Variants in HAS3 observed in about 807,000 individuals in gnomAD.
The protein encoded by HAS3 is hyaluronan synthase 3, also known as HA synthase 3.
HAS3 carries 27 observed loss-of-function variants against 50.3 expected under a neutral mutation model. The observed-to-expected ratio is 0.54, with a 90% CI of 0.40 to 0.74. The LOEUF (loss-of-function observed/expected upper bound fraction) is 0.74, where lower values mean the gene tolerates loss of function less well. HAS3 is among the 30% of genes least tolerant of loss of function. The pLI is 0.00. For synonymous variants in HAS3, 339 were observed against 310.9 expected (o/e 1.09, Z -0.95); for missense variants, 517 against 742.8 (o/e 0.70, Z 3.53).
At chr16:69,098,707 C>T in the HAS3 span, among the ~76,000 whole-genome samples, 1 of 137,118 alleles carries the variant, frequency 7.3e-6, no homozygotes, top group Admixed American at 7.3e-5. Flanking sequence ...CTCTTGTTGC[C>T]CAGACTGGAG....
chr16:69,118,577 C>T (rs1961351553), downstream of HAS3: 6 of 751,326 alleles, frequency 8.0e-6, no homozygotes, highest in Non-Finnish European at 1.4e-5. Context: ...AAACAATGGG[C>T]AGAAAGCTGT....
rs1186513823 is a variant in HAS3 at position 69,107,452 on chromosome 16, C to G, written c.-1+1665C>G. ...ATCCCTTGGGTTTTCCGTTCCTTCC[C>G]GGTTGGGTCGTGGGAAAGCGGCACG... On this transcript the variant is annotated intron_variant, in intron 1 of 3. Transcript: ENST00000569188. This position sits in a 1 kb window ranked among gnomAD's most constrained non-coding sequence, Gnocchi z 5.5. 51 of 985,516 alleles carry G rather than the reference C, an allele frequency of 5.2e-5. No homozygotes were observed. The highest frequency in any genetic ancestry group is 5.9e-5 in the Non-Finnish European group (49 of 830,086). 61.0% of individuals were successfully genotyped at this position (985,516 alleles called of 1,614,324 possible).
At chr16:69,099,586 A>G in the HAS3 span, among the ~76,000 whole-genome samples, 1 of 152,040 alleles carries the variant, frequency 6.6e-6, no homozygotes, top group Admixed American at 6.6e-5. Context: ...TCAGCCTCCC[A>G]AAGTGCTGGC....
At chr16:69,103,464 C>T (rs747283377), upstream of HAS3, among the ~76,000 whole-genome samples, 14 of 152,214 alleles carry the variant, frequency 9.2e-5, no homozygotes, top group Admixed American at 2.6e-4. Context: ...GGCACGATCT[C>T]GGCTCACTGC....
At position 69,117,330 on chromosome 16, in the gene HAS3, T is replaced by G. The variant is rs2152262202; in HGVS notation, c.*2064T>G. 2.0e-6 allele frequency: 2 copies of G among 985,846 alleles called. No homozygotes were observed. Among genetic ancestry groups the G allele is most frequent in the South Asian group, 9.4e-5 (2 of 21,292 alleles). The allele number at this position is 985,846 out of a possible 1,614,324, so 61.1% of individuals were successfully genotyped here. A position where few individuals can be genotyped will look rare whatever the true frequency, so the allele number is the denominator to read the frequency against. On this transcript the variant is annotated 3_prime_UTR_variant, in exon 4 of 4. Transcript: ENST00000569188. ...TGCCTTGCACTGTGGTCGTCAACTT[T>G]CCTCAAATCAAAAACAGGCAGGTAC...
Position 69,109,658 on chromosome 16 carries a change from C to T in HAS3, c.263C>T (p.Ala88Val). ...CCCTCCCCGCGGCGGGGCTCGGTGG[C>T]ACTGTGCATTGCCGCATACCAGGAG... ...KLPSPRRGSVALCIAAYQEDP... is the reference protein window; with the variant it reads ...KLPSPRRGSVVLCIAAYQEDP... The change falls in exon 2 of 4, where the codon GCA becomes GTA. Residue 88 changes from alanine to valine, a missense_variant. Physicochemically the swap from Ala to Val is moderately conservative, Grantham distance 64. Coordinates refer to ENST00000569188, the MANE Select transcript of HAS3 (RefSeq NM_001199280.2). The surrounding 1 kb of genome is among the most constrained non-coding windows in gnomAD (Gnocchi z 5.3). The T allele has an allele frequency of 6.2e-7, 1 of 1,610,080 alleles. No individual in the cohort carries two copies. Among genetic ancestry groups the T allele is most frequent in the Non-Finnish European group, 8.5e-7 (1 of 1,179,830 alleles).
Position 69,117,511 on chromosome 16 carries a change from T to C in HAS3, c.*2245T>C, listed in dbSNP as rs142340193. 2,901 of 952,018 alleles carry C rather than the reference T, an allele frequency of 3.0e-3. 73 individuals are homozygous for C. In the African/African-American group the frequency reaches 0.048, roughly 16 times the overall value. 59.0% of individuals were successfully genotyped at this position (952,018 alleles called of 1,614,324 possible). A position where few individuals can be genotyped will look rare whatever the true frequency, so the allele number is the denominator to read the frequency against. ...TGGACGCATTTTGGTTTTTCCTCAT[T>C]GAGAATTCAAATCCTCTTTTGTATT... On this transcript the variant is annotated 3_prime_UTR_variant, in exon 4 of 4. Transcript: ENST00000569188.
the HAS3 span, among the ~76,000 whole-genome samples, chr16:69,094,810 T>C: frequency 2.0e-5 from 3 of 152,162 alleles, no homozygotes; most frequent in Non-Finnish European, 1.5e-5. Context: ...AAAACGGTTG[T>C]TGAAATCTAA....
chr16:69,116,172 G>A lies in HAS3; in HGVS notation c.*906G>A. 1 of 985,384 alleles carries A rather than the reference G, an allele frequency of 1.0e-6. No individual in the cohort carries two copies. The highest frequency in any genetic ancestry group is 1.2e-6 in the Non-Finnish European group (1 of 829,838). The allele number at this position is 985,384 out of a possible 1,614,324, so 61.0% of individuals were successfully genotyped here. A position where few individuals can be genotyped will look rare whatever the true frequency, so the allele number is the denominator to read the frequency against. ...CTCTCAAATTCAGCTCTGATCTGAGGCTAAGACACACTCCCCACTTCACTT... is the reference window on the plus strand; with the variant it reads ...CTCTCAAATTCAGCTCTGATCTGAGACTAAGACACACTCCCCACTTCACTT... On this transcript the variant is annotated 3_prime_UTR_variant, in exon 4 of 4. Coordinates refer to ENST00000569188, the MANE Select transcript of HAS3 (RefSeq NM_001199280.2).
At chr16:69,104,592 C>G (rs1349491212), upstream of HAS3, among the ~76,000 whole-genome samples, 1 of 152,126 alleles carries the variant, frequency 6.6e-6, no homozygotes, top group Non-Finnish European at 1.5e-5. Context: ...CTGCACCCGG[C>G]CCTGGCTAAT....
the HAS3 span, among the ~76,000 whole-genome samples, chr16:69,098,953 C>T: frequency 6.6e-6 from 1 of 151,156 alleles, no homozygotes; most frequent in Non-Finnish European, 1.5e-5. Flanking sequence ...TGAGCCACTG[C>T]GCCCAGCCTG....
At chr16:69,110,155 A>G in intron 2 of HAS3, 124 bp downstream of exon 2, 1 of 987,770 alleles carries the variant, frequency 1.0e-6, no homozygotes, top group Non-Finnish European at 1.5e-6. Context: ...TGTGCACTTA[A>G]GAAGGCAACA....
At position 69,106,116 on chromosome 16, in the gene HAS3, G is replaced by A. The variant is rs1960782479; in HGVS notation, c.-1+329G>A. On this transcript the variant is annotated intron_variant, in intron 1 of 3. Transcript: ENST00000569188. This position sits in a 1 kb window ranked among gnomAD's most constrained non-coding sequence, Gnocchi z 5.5. ...CGCGGGGTCGGGGGTGCGCCCGCGGGGGCCCTCCCACTCTGGTCAACTTTC... is the reference window on the plus strand; with the variant it reads ...CGCGGGGTCGGGGGTGCGCCCGCGGAGGCCCTCCCACTCTGGTCAACTTTC... 1 of 152,084 alleles carries A rather than the reference G, an allele frequency of 6.6e-6. No homozygotes were observed. The highest frequency in any genetic ancestry group is 6.5e-5 in the Admixed American group (1 of 15,274). 9.4% of individuals were successfully genotyped at this position (152,084 alleles called of 1,614,324 possible).
chr16:69,107,435 G>C lies in HAS3; in HGVS notation c.-1+1648G>C, dbSNP rs756366758. 1.0e-6 allele frequency: 1 copy of C among 985,596 alleles called. No homozygotes were observed. The highest frequency in any genetic ancestry group is 1.2e-6 in the Non-Finnish European group (1 of 830,036). 61.1% of individuals were successfully genotyped at this position (985,596 alleles called of 1,614,324 possible). On this transcript the variant is annotated intron_variant, in intron 1 of 3. Transcript: ENST00000569188. This position sits in a 1 kb window ranked among gnomAD's most constrained non-coding sequence, Gnocchi z 5.5. The stretch of plus-strand genomic sequence containing the variant: ...GGCCTGGTCCGACTGGGATCCCTTG[G>C]GTTTTCCGTTCCTTCCCGGTTGGGT...
intron 1 of HAS3, among the ~76,000 whole-genome samples, chr16:69,108,295 CT>C (rs1226854681): frequency 6.6e-6 from 1 of 152,132 alleles, no homozygotes; most frequent in Admixed American, 6.5e-5. Context: ...AGGGAAATGA[CT>C]TACCTGAGAC....
chr16:69,115,789 G>A lies in HAS3; in HGVS notation c.*523G>A. ...TGCGCCTGAGATACAAGGCCCAGAAGCCTGATCTTTGGGCATCAGAAAACA... is the reference window on the plus strand; with the variant it reads ...TGCGCCTGAGATACAAGGCCCAGAAACCTGATCTTTGGGCATCAGAAAACA... On this transcript the variant is annotated 3_prime_UTR_variant, in exon 4 of 4. Transcript: ENST00000569188. 1.0e-6 allele frequency: 1 copy of A among 986,110 alleles called. No individual in the cohort carries two copies. The highest frequency in any genetic ancestry group is 1.2e-6 in the Non-Finnish European group (1 of 830,234). 61.1% of individuals were successfully genotyped at this position (986,110 alleles called of 1,614,324 possible). A position where few individuals can be genotyped will look rare whatever the true frequency, so the allele number is the denominator to read the frequency against.
At chr16:69,091,578 T>C in the HAS3 span, among the ~76,000 whole-genome samples, 1 of 152,026 alleles carries the variant, frequency 6.6e-6, no homozygotes, top group South Asian at 2.1e-4. Context: ...CTCAAAGCAG[T>C]GTTGATACCA....
At position 69,106,001 on chromosome 16, in the gene HAS3, C is replaced by T. The variant is rs1216147288; in HGVS notation, c.-1+214C>T. Among the ~76,000 whole-genome samples, 1 of 152,234 alleles carries T rather than the reference C, an allele frequency of 6.6e-6. No individual in the cohort carries two copies. Among genetic ancestry groups the T allele is most frequent in the Non-Finnish European group, 1.5e-5 (1 of 68,032 alleles). ...GGGGGACCCAGCTTCGGAGAGGGCGCAGGGGCTGCGAGTCTTGCGAGCCGG... is the reference window on the plus strand; with the variant it reads ...GGGGGACCCAGCTTCGGAGAGGGCGTAGGGGCTGCGAGTCTTGCGAGCCGG... On this transcript the variant is annotated intron_variant, in intron 1 of 3. Transcript: ENST00000569188. This position sits in a 1 kb window ranked among gnomAD's most constrained non-coding sequence, Gnocchi z 5.5.
intron 2 of HAS3, among the ~76,000 whole-genome samples, chr16:69,110,295 T>TA (rs1025883190): frequency 5.9e-5 from 9 of 151,982 alleles, no homozygotes; most frequent in African/African-American, 2.2e-4. Flanking sequence ...ACTAAAAATA[T>TA]AAAAAATTAG....
Sources: allele counts gnomAD v4.1 joint callset (sites outside exome capture counted in the v4.1 genomes callset), GRCh38; gene constraint gnomAD v4.1.1; non-coding constraint Gnocchi (gnomAD v3.1); transcripts MANE v1.5; gene names NCBI Gene and HGNC (gene_info 2026-07-23, HGNC 2026-07-21).